TTN: variants seen among roughly 807,000 people sequenced by gnomAD.
TTN encodes titin.
In TTN, 1,525 loss-of-function variants were observed where a neutral mutation model predicts 3,223.0. The observed-to-expected ratio is 0.47, with a 90% confidence interval of 0.45 to 0.49. The LOEUF is 0.49. Ranked by LOEUF, TTN falls within the 20% of genes least tolerant of loss-of-function variation. The pLI is 0.00. For missense variants in TTN, 40,786 were observed against 43,424.0 expected (o/e 0.94, Z 5.40); for synonymous variants, 14,094 against 15,161.0 (o/e 0.93, Z 5.17).
chr2:178,536,637 T>C, intron 356 of TTN, 62 bp from the exon 357 acceptor site: 2 of 1,377,390 alleles, frequency 1.5e-6, no homozygotes, highest in South Asian at 1.6e-5. Context: ...TAAAGCTTAT[T>C]TTTTTAAAAA....
rs777055785 is a variant in TTN, at chr2:178,740,553, G to T, written c.12680C>A (p.Thr4227Asn). 6.2e-6 allele frequency: 10 copies of T among 1,613,822 alleles called. No homozygotes were observed. Among genetic ancestry groups the T allele is most frequent in the Non-Finnish European group, 7.6e-6 (9 of 1,179,826 alleles). Residue 4227 changes from threonine (T) to asparagine (N), a missense_variant, in exon 48 of 363, where the codon ACC (threonine) becomes AAC (asparagine). By Grantham distance (65) the Thr-to-Asn change is moderately conservative. Coordinates refer to ENST00000589042, the MANE Select transcript of TTN (RefSeq NM_001267550.2). ...TGAAAGTACTTCCTCAGCCACAGAG[G>T]TTAGATAAGAATGCATTGGAGGTTC... ...SIEPPMHSYL[T>N]SVAEEVLSPK...
chr2:178,718,930 C>A lies in TTN; in HGVS notation c.24270G>T (p.Leu8090Phe). 1 of 1,611,620 alleles carries A rather than the reference C, an allele frequency of 6.2e-7. No individual in the cohort carries two copies. Among genetic ancestry groups the A allele is most frequent in the Non-Finnish European group, 8.5e-7 (1 of 1,178,828 alleles). ...FEQTPDSVEVLPGMSLTFTSV... is the reference protein window; with the variant it reads ...FEQTPDSVEVFPGMSLTFTSV... The stretch of plus-strand genomic sequence containing the variant: ...TGGTGAATGTGAGGCTCATTCCAGG[C>A]AAAACTTCCACAGAATCAGGGGTTT... Residue 8090 changes from leucine to phenylalanine, a missense_variant, in exon 84 of 363, where the codon TTG becomes TTT. Leu to Phe is a conservative substitution (Grantham distance 22, BLOSUM62 0). Coordinates refer to ENST00000589042, the MANE Select transcript of TTN (RefSeq NM_001267550.2).
In TTN at chr2:178,711,157, A is replaced by C. The variant is rs745880964; in HGVS notation, c.28079T>G (p.Ile9360Ser). Residue 9360 changes from isoleucine to serine, a missense_variant, in exon 97 of 363, where the codon ATT (isoleucine) becomes AGT (serine). Ile to Ser is a moderately radical substitution (Grantham distance 142). Transcript: ENST00000589042. ...SFLDNTATLN[I>S]FKTDRSLAGQ... is the part of the protein sequence containing the mutation. ...TGCAAGGCTCCGGTCAGTTTTAAAA[A>C]TATTGAGTGTGGCTGTATTGTCTAA... The C allele has an allele frequency of 3.1e-6, 5 of 1,613,790 alleles. No homozygotes were observed. In the Admixed American group the frequency reaches 8.3e-5, roughly 27 times the overall value.
chr2:178,614,669 A>G lies in TTN; in HGVS notation c.48845T>C (p.Val16282Ala), dbSNP rs878854396. The change falls in exon 261 of 363, where the codon GTA (valine) becomes GCA (alanine). Residue 16282 changes from valine to alanine, a missense_variant. Physicochemically the swap from Val to Ala is moderately conservative, Grantham distance 64. Transcript: ENST00000589042. ...AGTKIELPAT[V>A]TGKPEPKITW... The stretch of plus-strand genomic sequence containing the variant: ...TATTTTAGGTTCAGGTTTTCCGGTT[A>G]CGGTGGCAGGAAGTTCAATCTTGGT... 1 of 1,612,376 alleles carries G rather than the reference A, an allele frequency of 6.2e-7. No individual in the cohort carries two copies. Among genetic ancestry groups the G allele is most frequent in the Non-Finnish European group, 8.5e-7 (1 of 1,179,090 alleles).
rs756559868 is a variant in TTN at position 178,651,715 on chromosome 2, C to A, written c.39414G>T (p.Lys13138Asn). 1.2e-6 allele frequency: 2 copies of A among 1,613,254 alleles called. No homozygotes were observed. Among genetic ancestry groups the A allele is most frequent in the South Asian group, 2.2e-5 (2 of 91,056 alleles). Residue 13138 changes from lysine to asparagine, a missense_variant, in exon 206 of 363, where the codon AAG becomes AAT. Transcript: ENST00000589042. Reference protein sequence around the residue: ...TVPPKKPVPEKKAPAVVAKKP... With the variant: ...TVPPKKPVPENKAPAVVAKKP... ...TTTTGGCAACGACAGCAGGTGCTTT[C>A]TTTTCTGGGACAGGTTTCTTAGGTG...
chr2:178,715,483 G>C lies in TTN; in HGVS notation c.25921+10C>G. On this transcript the variant is annotated intron_variant, in intron 89 of 362. Coordinates refer to ENST00000589042, the MANE Select transcript of TTN (RefSeq NM_001267550.2). ...AATGTGAAAAACACACAGGTGGGGA[G>C]AGCGCTGACCTTTAACTTTTAAGGA... 6.2e-7 allele frequency: 1 copy of C among 1,604,124 alleles called. No homozygotes were observed.
At chr2:178,691,553 C>T (rs552680527) in intron 121 of TTN, among the ~76,000 whole-genome samples, 5 of 152,284 alleles carry the variant, frequency 3.3e-5, no homozygotes, top group Admixed American at 2.0e-4. Context: ...TTTTAAGAAG[C>T]GTGGTACTAT....
chr2:178,760,699 G>C (rs1036504681), intron 43 of TTN, among the ~76,000 whole-genome samples: 1 of 152,124 alleles, frequency 6.6e-6, no homozygotes, highest in Non-Finnish European at 1.5e-5. Flanking sequence ...ACACATGGAA[G>C]GGCTTTATAA....
rs200359082 is a variant in TTN, at chr2:178,729,696, G to C, written c.18557C>G (p.Thr6186Arg). ...TTTGAGTTCAATGCTGCAGCTCGCCGTGCCTGCGTCATTTCGAGCTTCACA... is the reference window on the plus strand; with the variant it reads ...TTTGAGTTCAATGCTGCAGCTCGCCCTGCCTGCGTCATTTCGAGCTTCACA... ...YVCEARNDAG[T>R]ASCSIELKVK... The change falls in exon 63 of 363, where the codon ACG becomes AGG. Residue 6186 changes from threonine to arginine, a missense_variant. By Grantham distance (71) the Thr-to-Arg change is moderately conservative (BLOSUM62 -1). Transcript: ENST00000589042. 1 of 1,613,708 alleles carries C rather than the reference G, an allele frequency of 6.2e-7. No individual in the cohort carries two copies. Among genetic ancestry groups the C allele is most frequent in the Admixed American group, 1.7e-5 (1 of 59,994 alleles).
At position 178,723,695 on chromosome 2, in the gene TTN, T is replaced by C; in HGVS notation, c.21405A>G (p.Glu7135=). The change falls in exon 74 of 363, where the codon GAA becomes GAG. Residue 7135 remains glutamate, a splice_region_variant and synonymous_variant. Coordinates refer to ENST00000589042, the MANE Select transcript of TTN (RefSeq NM_001267550.2). The part of the protein sequence containing the change: ...DECRAVLTVQ[E]PPSFVKEPEP... ...CAGGTTCTTTCACAAAAGAGGGTGG[T>C]TCTATATAGACATGGAGAACAATTA... 6.4e-7 allele frequency: 1 copy of C among 1,567,402 alleles called. No homozygotes were observed. The highest frequency in any genetic ancestry group is 8.6e-7 in the Non-Finnish European group (1 of 1,161,130).
intron 8 of TTN, 131 bp downstream of exon 8, chr2:178,794,268 C>T (rs2093656020): frequency 7.3e-7 from 1 of 1,372,000 alleles, no homozygotes; most frequent in Admixed American, 1.7e-5. Flanking sequence ...AAGTCTGGGC[C>T]CTGCTGGGCT....
At position 178,705,313 on chromosome 2, in the gene TTN, T is replaced by C; in HGVS notation, c.29465A>G (p.Asp9822Gly). 6.2e-7 allele frequency: 1 copy of C among 1,610,032 alleles called. No homozygotes were observed. The highest frequency in any genetic ancestry group is 8.5e-7 in the Non-Finnish European group (1 of 1,178,178). ...KKGAGEEEEIDIMELLKNVDP... is the reference protein window; with the variant it reads ...KKGAGEEEEIGIMELLKNVDP... ...AACATTTTTGAGAAGTTCCATGATA[T>C]CAATTTCCTCTTCTTCTCCAGCTCC... The change falls in exon 103 of 363, where the codon GAT becomes GGT. Residue 9822 changes from aspartate to glycine, a missense_variant. Asp to Gly is a moderately conservative substitution (Grantham distance 94). Coordinates refer to ENST00000589042, the MANE Select transcript of TTN (RefSeq NM_001267550.2).
intron 8 of TTN, among the ~76,000 whole-genome samples, chr2:178,794,048 A>G (rs16866537): frequency 0.026 from 4,030 of 152,306 alleles, 180 homozygotes; most frequent in African/African-American, 0.092. Flanking sequence ...CTGAAATAGT[A>G]GTTTCCACAT....
chr2:178,652,825 A>G, intron 200 of TTN, 23 bp downstream of exon 200: 1 of 1,607,578 alleles, frequency 6.2e-7, no homozygotes, highest in Non-Finnish European at 8.5e-7. Context: ...GATCTTCTGA[A>G]GCCTAAAGCC....
At chr2:178,785,446 G>A (rs1023100179) in intron 15 of TTN, among the ~76,000 whole-genome samples, 174 bp downstream of exon 15, 3 of 152,090 alleles carry the variant, frequency 2.0e-5, no homozygotes, top group Non-Finnish European at 2.9e-5. Context: ...TCCCCTGGGC[G>A]AGTTTCAGAA....
Position 178,663,490 on chromosome 2 carries a change from GAAC to G in TTN, c.36556_36558del (p.Val12186del), listed in dbSNP as rs750975520. ...GGAGGCACTGGCACTTTCTTTTCAG[GAAC>G]AACTTCTTTGGGAGCCTCAGGCACT... On this transcript the variant is annotated inframe_deletion, in exon 172 of 363. Transcript: ENST00000589042. 1.2e-6 allele frequency: 2 copies of G among 1,612,848 alleles called. No homozygotes were observed. Among genetic ancestry groups the G allele is most frequent in the East Asian group, 2.2e-5 (1 of 44,836 alleles).
intron 47 of TTN, chr2:178,745,384 TC>T (rs763749091): frequency 1.0e-4 from 146 of 1,415,708 alleles, no homozygotes; most frequent in Non-Finnish European, 1.2e-4. Flanking sequence ...AAGTGATGAT[TC>T]CACAGTTCAG....
intron 359 of TTN, 50 bp from the exon 360 acceptor site, chr2:178,529,269 C>G (rs758128293): frequency 2.3e-6 from 3 of 1,307,442 alleles, no homozygotes; most frequent in Non-Finnish European, 1.0e-6. Context: ...GAGACCCCCA[C>G]CTTTTACTCT....
In TTN at chr2:178,774,264, C is replaced by T; in HGVS notation, c.7000G>A (p.Gly2334Arg). ...CCGTCGATGACAAAGCTGTATTCTCCCTGGTCCTCCTTGGTTACATCCTTG... is the reference window on the plus strand; with the variant it reads ...CCGTCGATGACAAAGCTGTATTCTCTCTGGTCCTCCTTGGTTACATCCTTG... ...TVKDVTKEDQ[G>R]EYSFVIDGKK... The change falls in exon 30 of 363, where the codon GGA becomes AGA. Residue 2334 changes from glycine to arginine, a missense_variant. By Grantham distance (125) the Gly-to-Arg change is moderately radical (BLOSUM62 -2). Coordinates refer to ENST00000589042, the MANE Select transcript of TTN (RefSeq NM_001267550.2). 6.2e-7 allele frequency: 1 copy of T among 1,614,054 alleles called. No individual in the cohort carries two copies. The highest frequency in any genetic ancestry group is 8.5e-7 in the Non-Finnish European group (1 of 1,179,982).
Sources: allele counts gnomAD v4.1 joint callset (sites outside exome capture counted in the v4.1 genomes callset), GRCh38; gene constraint gnomAD v4.1.1; transcripts MANE v1.5; gene names NCBI Gene and HGNC (gene_info 2026-07-23, HGNC 2026-07-21).